Variants in YJEFN3 observed in about 807,000 individuals in gnomAD.
YJEFN3 encodes the protein yjeF N-terminal domain-containing protein 3.
YJEFN3 carries 29 observed loss-of-function variants against 31.5 expected under a neutral mutation model. The observed-to-expected ratio is 0.92, with a 90% CI of 0.69 to 1.26. The LOEUF (loss-of-function observed/expected upper bound fraction) is 1.26, where lower values mean the gene tolerates loss of function less well. Among genes scored for constraint, YJEFN3 ranks in the 50% most tolerant of loss-of-function variants. YJEFN3 has a pLI of 0.00. For missense variants in YJEFN3, 442 were observed against 425.4 expected (o/e 1.04, Z -0.34); for synonymous variants, 227 against 196.1 (o/e 1.16, Z -1.32).
chr19:19,535,361 C>T lies in YJEFN3; in HGVS notation c.454C>T (p.Pro152Ser). The stretch of plus-strand genomic sequence containing the variant: ...GGAGTATGAACCCACCATCTTCTAC[C>T]CCACACGCTCGCTGGACCTGCTGCA... ...VFEYEPTIFY[P>S]TRSLDLLHRD... Residue 152 changes from proline (P) to serine (S), a missense_variant, in exon 5 of 7, where the codon CCC becomes TCC. Coordinates refer to ENST00000514277, the MANE Select transcript of YJEFN3 (RefSeq NM_198537.4). 1.2e-6 allele frequency: 2 copies of T among 1,613,924 alleles called. No homozygotes were observed. Among genetic ancestry groups the T allele is most frequent in the Non-Finnish European group, 1.7e-6 (2 of 1,179,986 alleles).
chr19:19,533,743 C>T, intron 3 of YJEFN3: 1 of 985,336 alleles, frequency 1.0e-6, no homozygotes, highest in Non-Finnish European at 1.2e-6. Context: ...GAAATAGATC[C>T]CGGGTGAGGC....
Position 19,535,450 on chromosome 19 carries a change from G to A in YJEFN3, c.543G>A (p.Glu181=). Residue 181 remains glutamate, a splice_region_variant and synonymous_variant, in exon 5 of 7, where the codon GAG becomes GAA. Coordinates refer to ENST00000514277, the MANE Select transcript of YJEFN3 (RefSeq NM_198537.4). ...DIPFLSYLPT[E]VQLINEAYGL... ...CCTTCCTGAGCTACCTGCCCACTGA[G>A]GTCAGCGCTGGGTGGCAAGCAAGGG... 1 of 1,613,962 alleles carries A rather than the reference G, an allele frequency of 6.2e-7. No individual in the cohort carries two copies. The highest frequency in any genetic ancestry group is 8.5e-7 in the Non-Finnish European group (1 of 1,179,956).
intron 2 of YJEFN3, among the ~76,000 whole-genome samples, 176 bp downstream of exon 2, chr19:19,529,689 C>A (rs892881964): frequency 1.3e-5 from 2 of 152,228 alleles, no homozygotes; most frequent in East Asian, 3.9e-4. Flanking sequence ...CAGCCGATGT[C>A]CAGACTCAGT....
chr19:19,533,494 C>G, intron 3 of YJEFN3: 2 of 858,658 alleles, frequency 2.3e-6, no homozygotes, highest in Non-Finnish European at 2.8e-6. Flanking sequence ...CCTCCTTTCT[C>G]TCTCCCTCCT....
Position 19,537,429 on chromosome 19 carries a change from T to C in YJEFN3, c.805T>C (p.Phe269Leu). ...CAGRFSGRHH[F>L]VAGRFVPDDV... ...TGGCCGCTTCTCCGGGCGCCACCAC[T>C]TCGTGGCCGGCAGGTTCGTGCCCGA... The change falls in exon 7 of 7, where the codon TTC becomes CTC. Residue 269 changes from phenylalanine (F) to leucine (L), a missense_variant. Transcript: ENST00000514277. 1 of 1,590,314 alleles carries C rather than the reference T, an allele frequency of 6.3e-7. No homozygotes were observed. The highest frequency in any genetic ancestry group is 1.3e-5 in the African/African-American group (1 of 74,760).
chr19:19,537,364 CTGACG>C lies in YJEFN3; in HGVS notation c.743_747del (p.Asp248AlafsTer29). ...AGCGATTCGGAGGACGGGCTGCGGCCTGACGTGCTGGTGTCTCTCGCGGCGCCCAA... is the reference window on the plus strand; with the variant it reads ...AGCGATTCGGAGGACGGGCTGCGGCCTGCTGGTGTCTCTCGCGGCGCCCAA... On this transcript the variant is annotated frameshift_variant, in exon 7 of 7. Coordinates refer to ENST00000514277, the MANE Select transcript of YJEFN3 (RefSeq NM_198537.4). LOFTEE classifies it high-confidence loss of function. The C allele has an allele frequency of 6.3e-7, 1 of 1,596,296 alleles. No homozygotes were observed. The highest frequency in any genetic ancestry group is 8.5e-7 in the Non-Finnish European group (1 of 1,177,434).
Position 19,532,647 on chromosome 19 carries a change from C to T in YJEFN3, c.225C>T (p.Ala75=), listed in dbSNP as rs2061169313. The change falls in exon 3 of 7, where the codon GCC becomes GCT. Residue 75 remains alanine (A), a synonymous_variant. Transcript: ENST00000514277. ...CTGTCCCCAGCACCGCGGAGGCAGC[C>T]GCCCTGGAGCGGGAGCTGCTGGAGG... ...GPVCQSTAEA[A]ALERELLEDY... 10 of 1,558,220 alleles carry T rather than the reference C, an allele frequency of 6.4e-6. No individual in the cohort carries two copies. The highest frequency in any genetic ancestry group is 1.2e-5 in the South Asian group (1 of 85,246).
chr19:19,529,639 G>T (rs2061134690), intron 2 of YJEFN3, 126 bp downstream of exon 2: 5 of 1,319,648 alleles, frequency 3.8e-6, no homozygotes, highest in Non-Finnish European at 4.1e-6. Context: ...GCGTCCAACA[G>T]CTCCTGCCCA....
chr19:19,532,287 T>C (rs1019007147), intron 2 of YJEFN3, among the ~76,000 whole-genome samples: 1 of 152,256 alleles, frequency 6.6e-6, no homozygotes, highest in Non-Finnish European at 1.5e-5. Context: ...TTCCCCTTTC[T>C]TGGTTCCCTC....
At chr19:19,529,972 C>T (rs2061138768) in intron 2 of YJEFN3, among the ~76,000 whole-genome samples, 1 of 152,168 alleles carries the variant, frequency 6.6e-6, no homozygotes, top group Non-Finnish European at 1.5e-5. Flanking sequence ...TTTCAAAGCC[C>T]CCCCAGGCTC....
Position 19,532,687 on chromosome 19 carries a change from C to T in YJEFN3, c.265C>T (p.Arg89Trp), listed in dbSNP as rs575314858. Residue 89 changes from arginine to tryptophan, a missense_variant, in exon 3 of 7, where the codon CGG (arginine) becomes TGG (tryptophan). Coordinates refer to ENST00000514277, the MANE Select transcript of YJEFN3 (RefSeq NM_198537.4). ...RELLEDYRFG[R>W]QQLVELCGHA... is the part of the protein sequence containing the mutation. ...GCTGCTGGAGGATTATCGCTTTGGG[C>T]GGCAGCAGCTCGTGGAGCTGTGCGG... 5 of 1,576,894 alleles carry T rather than the reference C, an allele frequency of 3.2e-6. No homozygotes were observed. In the South Asian group the frequency reaches 3.5e-5, roughly 11 times the overall value.
At position 19,535,671 on chromosome 19, in the gene YJEFN3, T is replaced by C; in HGVS notation, c.686T>C (p.Ile229Thr). ...TCCATCCCCCTCGTGAGCCTGGACATCCCCTCAGGCATGCCAGGCAGAGGG... is the reference window on the plus strand; with the variant it reads ...TCCATCCCCCTCGTGAGCCTGGACACCCCCTCAGGCATGCCAGGCAGAGGG... Reference protein sequence around the residue: ...LLSIPLVSLDIPSGWDAETGS... With the variant: ...LLSIPLVSLDTPSGWDAETGS... Residue 229 changes from isoleucine (I) to threonine (T), a missense_variant, in exon 6 of 7, where the codon ATC (isoleucine) becomes ACC (threonine). By Grantham distance (89) the Ile-to-Thr change is moderately conservative. Transcript: ENST00000514277. 6.4e-7 allele frequency: 1 copy of C among 1,559,258 alleles called. No homozygotes were observed. Among genetic ancestry groups the C allele is most frequent in the Non-Finnish European group, 8.7e-7 (1 of 1,153,444 alleles).
intron 2 of YJEFN3, among the ~76,000 whole-genome samples, chr19:19,531,037 C>G (rs1299692113): frequency 6.6e-6 from 1 of 152,196 alleles, no homozygotes; most frequent in Non-Finnish European, 1.5e-5. Context: ...GCTATTCTTG[C>G]CCCTGCATTA....
chr19:19,531,503 C>T (rs2061155376), intron 2 of YJEFN3, among the ~76,000 whole-genome samples: 1 of 152,086 alleles, frequency 6.6e-6, no homozygotes, highest in East Asian at 1.9e-4. Context: ...GCAGCCTCCA[C>T]CTCCCAGATT....
chr19:19,533,374 C>T, intron 3 of YJEFN3: 4 of 985,932 alleles, frequency 4.1e-6, no homozygotes, highest in Non-Finnish European at 4.8e-6. Flanking sequence ...AAAACTGTCC[C>T]ATACAGTCGA....
chr19:19,534,959 C>G lies in YJEFN3; in HGVS notation c.319-75C>G, dbSNP rs187774602. 4.6e-4 allele frequency: 613 copies of G among 1,320,448 alleles called. 4 individuals carry two copies. The African/African-American group carries it at 8.1e-3, about 17-fold the overall frequency. The allele number at this position is 1,320,448 out of a possible 1,614,324, so 81.8% of individuals were successfully genotyped here. On this transcript the variant is annotated intron_variant, in intron 3 of 6. Coordinates refer to ENST00000514277, the MANE Select transcript of YJEFN3 (RefSeq NM_198537.4). This position sits in a 1 kb window ranked among gnomAD's most constrained non-coding sequence, Gnocchi z 4.6. ...CCAAGCCCCATCCCTTCCCCTACTC[C>G]GGGCCTCAGTTTCCTCTCCAGGCAA... is the stretch of plus-strand genomic sequence containing the variant.
intron 2 of YJEFN3, 47 bp downstream of exon 2, chr19:19,529,560 A>G: frequency 1.3e-6 from 2 of 1,594,074 alleles, no homozygotes; most frequent in Non-Finnish European, 1.7e-6. Context: ...TGTGACTCTC[A>G]CCTCATCCTC....
In YJEFN3 at chr19:19,537,503, C is replaced by G. The variant is rs1349025183; in HGVS notation, c.879C>G (p.Thr293=). The G allele has an allele frequency of 6.4e-7, 1 of 1,566,888 alleles. No homozygotes were observed. Among genetic ancestry groups the G allele is most frequent in the Non-Finnish European group, 8.6e-7 (1 of 1,158,380 alleles). Residue 293 remains threonine, a synonymous_variant, in exon 7 of 7, where the codon ACC becomes ACG. Coordinates refer to ENST00000514277, the MANE Select transcript of YJEFN3 (RefSeq NM_198537.4). ...FALRLPGYTG[T]DCVAAL ...TGCGCCTGCCGGGATACACGGGCAC[C>G]GACTGCGTCGCGGCACTGTGACCGC... is the stretch of plus-strand genomic sequence containing the variant.
chr19:19,535,136 C>A lies in YJEFN3; in HGVS notation c.421C>A (p.Arg141=). The change falls in exon 4 of 7, where the codon CGG becomes AGG. Residue 141 remains arginine, a synonymous_variant. Transcript: ENST00000514277. ...AVGLVCARHL[R]VFEYEPTIFY... is the part of the protein sequence containing the mutation. ...GGGGCTGGTCTGTGCCCGGCACCTG[C>A]GGGTGTTTGTAAGTAGCAAGGACCC... 1 of 1,603,214 alleles carries A rather than the reference C, an allele frequency of 6.2e-7. No homozygotes were observed.
Sources: gnomAD v4.1 joint callset for allele counts (sites outside exome capture counted in the v4.1 genomes callset) on GRCh38, gnomAD v4.1.1 for gene constraint, Gnocchi (gnomAD v3.1) non-coding constraint, MANE v1.5 for transcripts, NCBI Gene and HGNC (gene_info 2026-07-23, HGNC 2026-07-21) for gene names.